The following CYP2F1 variants were observed in gnomAD, a reference collection of about 807,000 sequenced individuals.
CYP2F1 encodes cytochrome P450 family 2 subfamily F member 1.
In CYP2F1, 33 loss-of-function variants were observed where a neutral mutation model predicts 40.4. The observed-to-expected ratio is 0.82, with a 90% CI of 0.62 to 1.09. CYP2F1 has a LOEUF of 1.09. Ranked by LOEUF, CYP2F1 falls within the 50% of genes least tolerant of loss-of-function variation. The pLI is 0.00. For missense variants in CYP2F1, 566 were observed against 655.7 expected (o/e 0.86, Z 1.49); for synonymous variants, 235 against 277.2 (o/e 0.85, Z 1.51).
At chr19:41,120,535 T>C in intron 4 of CYP2F1, 39 bp downstream of exon 4, 1 of 1,171,010 alleles carries the variant, frequency 8.5e-7, no homozygotes, top group East Asian at 3.1e-5. Flanking sequence ...GGCACGATCT[T>C]TTTTTTTTTT....
chr19:41,121,931 A>T, intron 5 of CYP2F1, 26 bp from the exon 6 acceptor site: 1 of 1,604,528 alleles, frequency 6.2e-7, no homozygotes, highest in East Asian at 2.2e-5. Flanking sequence ...CTCCTCCAAA[A>T]CCCTCCTACT....
rs754281294 is a variant in CYP2F1, at chr19:41,122,921, C to T, written c.922C>T (p.His308Tyr). The T allele has an allele frequency of 4.3e-6, 7 of 1,612,940 alleles. No homozygotes were observed. The highest frequency in any genetic ancestry group is 1.6e-4 in the Middle Eastern group (1 of 6,076). ...CACCAAGACGGTGAGCACCACGCTG[C>T]ACCACGCCTTCCTGGCACTCATGAA... is the stretch of plus-strand genomic sequence containing the variant. The part of the protein sequence containing the change: ...GGTKTVSTTL[H>Y]HAFLALMKYP... The change falls in exon 7 of 10, where the codon CAC becomes TAC. Residue 308 changes from histidine (H) to tyrosine (Y), a missense_variant. Around this residue, in one of 5 missense-constraint regions of CYP2F1, gnomAD observed 128 missense variants for 121.0 expected, o/e 1.06. Coordinates refer to ENST00000331105, the MANE Select transcript of CYP2F1 (RefSeq NM_000774.5).
intron 7 of CYP2F1, among the ~76,000 whole-genome samples, chr19:41,124,473 C>T (rs1226316017): frequency 6.6e-6 from 1 of 151,878 alleles, no homozygotes; most frequent in Admixed American, 6.6e-5. Flanking sequence ...CCATGTTGCC[C>T]AGATGGTCTC....
At chr19:41,118,255 A>T (rs1022248029) in intron 3 of CYP2F1, among the ~76,000 whole-genome samples, 1 of 152,012 alleles carries the variant, frequency 6.6e-6, no homozygotes, top group Non-Finnish European at 1.5e-5. Context: ...GGAAGAAAGG[A>T]AAAAGGAAAG....
chr19:41,126,893 TTTG>T (rs1158206212), intron 9 of CYP2F1, among the ~76,000 whole-genome samples: 1 of 152,138 alleles, frequency 6.6e-6, no homozygotes, highest in Admixed American at 6.6e-5. Flanking sequence ...TTTTGTTTTG[TTTG>T]TTTGTTTTTT....
intron 3 of CYP2F1, among the ~76,000 whole-genome samples, chr19:41,120,020 C>G (rs1029700508): frequency 1.3e-4 from 19 of 151,830 alleles, no homozygotes; most frequent in African/African-American, 4.1e-4. Flanking sequence ...TGCTAAGGAC[C>G]CAGTGGTGAC....
intron 3 of CYP2F1, among the ~76,000 whole-genome samples, chr19:41,119,746 TATAC>T (rs1450107513): frequency 8.3e-4 from 45 of 54,212 alleles, no homozygotes; most frequent in African/African-American, 1.9e-3. Context: ...TATATATATA[TATAC>T]ACACACACAC....
At chr19:41,123,377 C>G (rs1387180689) in intron 7 of CYP2F1, 1 of 350,808 alleles carries the variant, frequency 2.9e-6, no homozygotes, top group African/African-American at 2.1e-5. Flanking sequence ...ACCACCACAT[C>G]CAGCTAATTT....
rs2031804077 is a variant in CYP2F1, at chr19:41,116,360, G to C, written c.171+1G>C. ...AGACATGCTGACTTCTCTCACTAAG[G>C]TGCAAGGCCCTTAGCTTGGGTGATG... is the stretch of plus-strand genomic sequence containing the variant. On this transcript the variant is annotated splice_donor_variant, in intron 2 of 9. Coordinates refer to ENST00000331105, the MANE Select transcript of CYP2F1 (RefSeq NM_000774.5). LOFTEE classifies it high-confidence loss of function. 1.2e-6 allele frequency: 2 copies of C among 1,613,834 alleles called. No homozygotes were observed. Among genetic ancestry groups the C allele is most frequent in the South Asian group, 1.1e-5 (1 of 91,072 alleles).
intron 9 of CYP2F1, among the ~76,000 whole-genome samples, chr19:41,127,506 AT>A (rs895353406): frequency 2.6e-5 from 4 of 151,902 alleles, no homozygotes; most frequent in South Asian, 4.2e-4. Context: ...CATTTTTAAA[AT>A]TTTTTTTGTA....
chr19:41,120,284 C>A lies in CYP2F1; in HGVS notation c.335-63C>A, dbSNP rs1010362779. On this transcript the variant is annotated intron_variant, in intron 3 of 9. Coordinates refer to ENST00000331105, the MANE Select transcript of CYP2F1 (RefSeq NM_000774.5). ...TCCCAGCAAATACCATGAAAGGGGA[C>A]CTGGGTGGCAGTGGCCTCAGGATGA... is the stretch of plus-strand genomic sequence containing the variant. 8.8e-6 allele frequency: 13 copies of A among 1,475,910 alleles called. No homozygotes were observed. In the Admixed American group the frequency reaches 3.0e-4, roughly 34 times the overall value. The allele number at this position is 1,475,910 out of a possible 1,614,324, so 91.4% of individuals were successfully genotyped here.
At chr19:41,120,139 G>A (rs929092360) in intron 3 of CYP2F1, among the ~76,000 whole-genome samples, 1 of 152,044 alleles carries the variant, frequency 6.6e-6, no homozygotes, top group African/African-American at 2.4e-5. Flanking sequence ...CAGAGGCAGA[G>A]TGATAGGATG....
At chr19:41,127,678 G>T (rs1288995430) in intron 9 of CYP2F1, among the ~76,000 whole-genome samples, 2 of 152,100 alleles carry the variant, frequency 1.3e-5, no homozygotes, top group Admixed American at 6.6e-5. Flanking sequence ...GTTTGTCCAG[G>T]ATCACAAAAC....
At chr19:41,121,691 C>G (rs902525480) in intron 5 of CYP2F1, 73 bp downstream of exon 5, 1 of 1,428,392 alleles carries the variant, frequency 7.0e-7, no homozygotes, top group Non-Finnish European at 9.5e-7. Context: ...AAACAGTGGG[C>G]GGGGAAAGGG....
intron 3 of CYP2F1, among the ~76,000 whole-genome samples, chr19:41,119,742 TATATATAC>T (rs1173111479): frequency 8.4e-5 from 6 of 71,440 alleles, no homozygotes; most frequent in African/African-American, 2.7e-4. Context: ...TATATATATA[TATATATAC>T]ACACACACAC....
intron 6 of CYP2F1, among the ~76,000 whole-genome samples, chr19:41,122,464 T>C (rs1490628774): frequency 2.0e-5 from 3 of 151,886 alleles, no homozygotes; most frequent in Non-Finnish European, 2.9e-5. Flanking sequence ...AGACCCAGTC[T>C]CTACAACACA....
intron 3 of CYP2F1, among the ~76,000 whole-genome samples, chr19:41,119,717 CTCTCTCTA>C (rs1394030553): frequency 0.015 from 591 of 38,594 alleles, 3 homozygotes; most frequent in East Asian, 0.023. Context: ...CTCTCTCTCT[CTCTCTCTA>C]TATATATATA....
At chr19:41,127,424 C>G (rs975860801) in intron 9 of CYP2F1, among the ~76,000 whole-genome samples, 3 of 152,144 alleles carry the variant, frequency 2.0e-5, no homozygotes, top group Non-Finnish European at 2.9e-5. Context: ...CAGCCTTGAT[C>G]TCCTGGGCTC....
rs556931482 is a variant in CYP2F1 at position 41,121,477 on chromosome 19, G to T, written c.504G>T (p.Thr168=). 18 of 1,609,896 alleles carry T rather than the reference G, an allele frequency of 1.1e-5. No homozygotes were observed. In the Admixed American group the frequency reaches 1.7e-4, roughly 15 times the overall value. The stretch of plus-strand genomic sequence containing the variant: ...CCTCAGGCGAGCCCTTTGACCCCAC[G>T]TTTGTGCTGAGTCGCTCAGTGTCCA... ...RKTEGEPFDP[T]FVLSRSVSNI... is the part of the protein sequence containing the mutation. Residue 168 remains threonine (T), a synonymous_variant, in exon 5 of 10, where the codon ACG becomes ACT. Coordinates refer to ENST00000331105, the MANE Select transcript of CYP2F1 (RefSeq NM_000774.5).
Sources: gnomAD v4.1 joint callset for allele counts (sites outside exome capture counted in the v4.1 genomes callset) on GRCh38, gnomAD v4.1.1 for gene constraint, gnomAD v4.1.1 regional missense constraint, MANE v1.5 for transcripts, NCBI Gene and HGNC (gene_info 2026-07-23, HGNC 2026-07-21) for gene names.